RASA3: variants seen among roughly 807,000 people sequenced by gnomAD.
RASA3 encodes the protein ras GTPase-activating protein 3.
RASA3 carries 73 observed loss-of-function variants against 110.0 expected under a neutral mutation model. That is an observed-to-expected ratio of 0.66 (90% confidence interval 0.55 to 0.81). The LOEUF is 0.81. Ranked by LOEUF, RASA3 falls within the 30% of genes least tolerant of loss-of-function variation. The pLI is 0.00. For synonymous variants in RASA3, 500 were observed against 451.4 expected, an observed-to-expected ratio of 1.11 and a Z score of -1.37; for missense variants, 976 against 1,113.2, an observed-to-expected ratio of 0.88 and a Z score of 1.75.
chr13:114,015,532 C>T (rs1486207960), intron 13 of RASA3, among the ~76,000 whole-genome samples, 200 bp from the exon 14 acceptor site: 5 of 152,256 alleles, frequency 3.3e-5, no homozygotes, highest in Non-Finnish European at 1.5e-5. Flanking sequence ...AAAATCACTA[C>T]ACAGGCACCA....
chr13:113,994,900 G>A (rs1436234516), intron 21 of RASA3, among the ~76,000 whole-genome samples: 2 of 152,310 alleles, frequency 1.3e-5, no homozygotes. Context: ...CTTGAGCCTA[G>A]GAGGTCGAGG....
intron 1 of RASA3, among the ~76,000 whole-genome samples, chr13:114,098,030 C>T (rs1301623482): frequency 6.6e-6 from 1 of 152,184 alleles, no homozygotes; most frequent in African/African-American, 2.4e-5. Flanking sequence ...TCTCAGCCCT[C>T]AGCTGAGCAC....
At chr13:114,005,947 G>A (rs533037752) in intron 18 of RASA3, among the ~76,000 whole-genome samples, 1 of 20,236 alleles carries the variant, frequency 4.9e-5, no homozygotes, top group Admixed American at 5.0e-4. Flanking sequence ...CCTGCTGGAT[G>A]CCACCTTACC....
rs746177088 is a variant in RASA3 at position 114,056,513 on chromosome 13, G to C, written c.174-4358C>G. 1.0e-6 allele frequency: 1 copy of C among 985,166 alleles called. No homozygotes were observed. Among genetic ancestry groups the C allele is most frequent in the African/African-American group, 1.7e-5 (1 of 57,178 alleles). 61.0% of individuals were successfully genotyped at this position (985,166 alleles called of 1,614,324 possible). A position where few individuals can be genotyped will look rare whatever the true frequency, so the allele number is the denominator to read the frequency against. On this transcript the variant is annotated intron_variant, in intron 2 of 23. Coordinates refer to ENST00000334062, the MANE Select transcript of RASA3 (RefSeq NM_007368.4). The surrounding 1 kb of genome is among the most constrained non-coding windows in gnomAD (Gnocchi z 5.7). ...GCGTCCCTGGGCGCTGCCCGGTAGC[G>C]GGGTGTTCAGTTGCTCTGCCAAAGG... is the stretch of plus-strand genomic sequence containing the variant.
Position 114,132,500 on chromosome 13 carries a change from C to G in RASA3, c.-11G>C, listed in dbSNP as rs2080536156. 4.8e-6 allele frequency: 7 copies of G among 1,460,754 alleles called. No individual in the cohort carries two copies. Among genetic ancestry groups the G allele is most frequent in the Non-Finnish European group, 4.5e-6 (5 of 1,108,156 alleles). 90.5% of individuals were successfully genotyped at this position (1,460,754 alleles called of 1,614,324 possible). ...GTCCTCCACCGCCATGCTGCGCGTC[C>G]GCGCCCGCCGAGCCTCGCCCCAAGC... On this transcript the variant is annotated 5_prime_UTR_variant, in exon 1 of 24. Transcript: ENST00000334062.
Position 114,018,895 on chromosome 13 carries a change from A to T in RASA3, c.810T>A (p.Asn270Lys). The T allele has an allele frequency of 2.5e-6, 4 of 1,613,820 alleles. No homozygotes were observed. The highest frequency in any genetic ancestry group is 3.4e-6 in the Non-Finnish European group (4 of 1,179,964). ...CGTCTGGCTTTAGGCTCTTGCTACC[A>T]TTGTCCCGGGGCTGGAGGAAGTACC... is the stretch of plus-strand genomic sequence containing the variant. The part of the protein sequence containing the change: ...EAWYFLQPRD[N>K]GSKSLKPDDL... Residue 270 changes from asparagine to lysine, a missense_variant, in exon 10 of 24, where the codon AAT becomes AAA. This residue lies in a region of RASA3 where 732 missense variants were observed against 779.7 expected (regional missense o/e 0.94). Transcript: ENST00000334062.
At position 114,011,021 on chromosome 13, in the gene RASA3, T is replaced by C; in HGVS notation, c.1590+150A>G. The C allele has an allele frequency of 2.6e-6, 2 of 760,478 alleles. No individual in the cohort carries two copies. The highest frequency in any genetic ancestry group is 4.4e-6 in the Non-Finnish European group (2 of 455,804). 47.1% of individuals were successfully genotyped at this position (760,478 alleles called of 1,614,324 possible). A position where few individuals can be genotyped will look rare whatever the true frequency, so the allele number is the denominator to read the frequency against. ...GAGCGGGACGGGGACGCTCAGGTCCTGGGTTTCAAGAGAGGATGTGGTGCC... is the reference window on the plus strand; with the variant it reads ...GAGCGGGACGGGGACGCTCAGGTCCCGGGTTTCAAGAGAGGATGTGGTGCC... On this transcript the variant is annotated intron_variant, in intron 16 of 23. Coordinates refer to ENST00000334062, the MANE Select transcript of RASA3 (RefSeq NM_007368.4). This position sits in a 1 kb window ranked among gnomAD's most constrained non-coding sequence, Gnocchi z 4.8.
intron 1 of RASA3, among the ~76,000 whole-genome samples, chr13:114,092,062 CT>C (rs370042357): frequency 0.058 from 8,697 of 149,336 alleles, 318 homozygotes; most frequent in Middle Eastern, 0.15. Context: ...GGGGTCTTAT[CT>C]TTTTTTTTTC....
rs114521953 is a variant in RASA3, at chr13:114,100,399, C to T, written c.56-26562G>A. On this transcript the variant is annotated intron_variant, in intron 1 of 23. Transcript: ENST00000334062. ...TTGTGCGCAACACCCAGGAGCCGCC[C>T]GCCTGCAAAGCACTTGGTCAGCGTG... Among the ~76,000 whole-genome samples, 986 of 152,306 alleles carry T rather than the reference C, an allele frequency of 6.5e-3. 12 individuals are homozygous for T. The highest frequency in any genetic ancestry group is 0.023 in the African/African-American group (940 of 41,564).
rs762050230 is a variant in RASA3 at position 114,015,362 on chromosome 13, T to A, written c.1282-30A>T. 6 of 1,609,756 alleles carry A rather than the reference T, an allele frequency of 3.7e-6. No individual in the cohort carries two copies. In the South Asian group the frequency reaches 6.6e-5, roughly 18 times the overall value. On this transcript the variant is annotated intron_variant, in intron 13 of 23. Transcript: ENST00000334062. ...AACGGGACACGGCACTGGGACCCACTCCCGAGGCTGCCCACAGGTGCGTGT... is the reference window on the plus strand; with the variant it reads ...AACGGGACACGGCACTGGGACCCACACCCGAGGCTGCCCACAGGTGCGTGT...
At chr13:114,071,688 C>T (rs576214177) in intron 2 of RASA3, among the ~76,000 whole-genome samples, 5 of 152,236 alleles carry the variant, frequency 3.3e-5, no homozygotes, top group South Asian at 2.1e-4. Flanking sequence ...TCAAAGAACC[C>T]GGAGCGTGCA....
chr13:114,073,516 C>T (rs2079613182), intron 2 of RASA3, among the ~76,000 whole-genome samples: 1 of 141,798 alleles, frequency 7.1e-6, no homozygotes, highest in African/African-American at 2.7e-5. Flanking sequence ...TCCCTACACG[C>T]AGGAAAACGG....
chr13:114,011,255 A>T lies in RASA3; in HGVS notation c.1513-7T>A. 1.2e-6 allele frequency: 2 copies of T among 1,610,250 alleles called. No homozygotes were observed. The highest frequency in any genetic ancestry group is 1.7e-6 in the Non-Finnish European group (2 of 1,177,954). ...TCCTGGACGTCTGGGGGTCCTGGGG[A>T]GGCGGGAGCAAGAAAGGTCTATGTC... On this transcript the variant is annotated splice_region_variant and splice_polypyrimidine_tract_variant and intron_variant, in intron 15 of 23. Transcript: ENST00000334062. The surrounding 1 kb of genome is among the most constrained non-coding windows in gnomAD (Gnocchi z 4.8).
At chr13:114,013,741 GCTCTCT>G (rs68147196) in intron 14 of RASA3, among the ~76,000 whole-genome samples, 1 of 93,410 alleles carries the variant, frequency 1.1e-5, no homozygotes, top group East Asian at 3.6e-4. Context: ...TCTGTCTCTG[GCTCTCT>G]CTCTCTCTCT....
At chr13:114,034,602 G>T (rs1008848434) in intron 4 of RASA3, among the ~76,000 whole-genome samples, 3 of 152,192 alleles carry the variant, frequency 2.0e-5, no homozygotes, top group Non-Finnish European at 4.4e-5. Context: ...TCAGGAGTGG[G>T]AACAAACAAA....
intron 3 of RASA3, among the ~76,000 whole-genome samples, chr13:114,049,103 T>G (rs966338882): frequency 1.3e-5 from 2 of 151,876 alleles, no homozygotes; most frequent in African/African-American, 4.8e-5. Context: ...GACCTGAACT[T>G]GCAACTGAGC....
At position 114,018,862 on chromosome 13, in the gene RASA3, G is replaced by A. The variant is rs1309977913; in HGVS notation, c.843C>T (p.Gly281=). 1.2e-6 allele frequency: 2 copies of A among 1,613,826 alleles called. No homozygotes were observed. Among genetic ancestry groups the A allele is most frequent in the Admixed American group, 1.7e-5 (1 of 60,004 alleles). Residue 281 remains glycine, a synonymous_variant, in exon 10 of 24, where the codon GGC becomes GGT. Transcript: ENST00000334062. ...TGTATACCACGTTCAGCCGCAGGGA[G>A]CCCAGGTCGTCTGGCTTTAGGCTCT... ...GSKSLKPDDL[G]SLRLNVVYTE...
intron 20 of RASA3, among the ~76,000 whole-genome samples, chr13:113,997,760 G>C (rs1390141905): frequency 6.6e-6 from 1 of 152,172 alleles, no homozygotes; most frequent in Non-Finnish European, 1.5e-5. Context: ...CTTAAGTCAG[G>C]AGTCAGGGGG....
intron 4 of RASA3, among the ~76,000 whole-genome samples, chr13:114,033,682 C>A (rs142175940): frequency 1.3e-5 from 2 of 152,078 alleles, no homozygotes; most frequent in African/African-American, 2.4e-5. Flanking sequence ...CCACGCCCCA[C>A]GGCACCCCCA....
Sources: allele counts gnomAD v4.1 joint callset (sites outside exome capture counted in the v4.1 genomes callset), GRCh38; gene constraint gnomAD v4.1.1; regional missense constraint gnomAD v4.1.1; non-coding constraint Gnocchi (gnomAD v3.1); transcripts MANE v1.5; gene names NCBI Gene and HGNC (gene_info 2026-07-23, HGNC 2026-07-21).